The following MICAL2 variants were observed in gnomAD, a reference collection of about 807,000 sequenced individuals.
MICAL2 encodes the protein [F-actin]-monooxygenase MICAL2.
A neutral mutation model predicts 127.3 loss-of-function variants in MICAL2; 77 were observed. That is an observed-to-expected ratio of 0.60 (90% CI 0.50 to 0.73). MICAL2 has a LOEUF of 0.73. Among genes scored for constraint, MICAL2 ranks in the 30% least tolerant of loss-of-function variants. The pLI is 0.00. For missense variants in MICAL2, 1,351 were observed against 1,434.4 expected, an observed-to-expected ratio of 0.94 and a Z score of 0.94; for synonymous variants, 570 against 551.1, an observed-to-expected ratio of 1.03 and a Z score of -0.48.
chr11:12,267,679 G>A (rs1863624459), downstream of MICAL2, among the ~76,000 whole-genome samples: 1 of 152,154 alleles, frequency 6.6e-6, no homozygotes, highest in Non-Finnish European at 1.5e-5. Flanking sequence ...TCAGCTCGCT[G>A]CAAACTTCAC....
chr11:12,296,626 A>G (rs1343046339), downstream of MICAL2, among the ~76,000 whole-genome samples: 5 of 151,152 alleles, frequency 3.3e-5, no homozygotes, highest in African/African-American at 1.2e-4. Context: ...ATCAAAGGGT[A>G]CAAAAGGTGC....
chr11:12,265,890 C>A (rs536338144), downstream of MICAL2, among the ~76,000 whole-genome samples: 221 of 152,094 alleles, frequency 1.5e-3, no homozygotes, highest in South Asian at 2.9e-3. Flanking sequence ...CTGAGGCGGG[C>A]AGATCACTTG....
At chr11:12,255,401 A>G (rs1194024424) in intron 22 of MICAL2, 1 of 513,878 alleles carries the variant, frequency 1.9e-6, no homozygotes, top group Admixed American at 3.2e-5. Context: ...TAGGTACCAC[A>G]TATAAGTGGA....
chr11:12,340,925 C>T (rs1938854389), intron 32 of MICAL2, among the ~76,000 whole-genome samples: 1 of 152,172 alleles, frequency 6.6e-6, no homozygotes, highest in Admixed American at 6.5e-5. Flanking sequence ...CATGCTCTGA[C>T]TCCCAGAACA....
chr11:12,287,006 G>A, intron 2 of MICAL2: 1 of 398,556 alleles, frequency 2.5e-6, no homozygotes, highest in Non-Finnish European at 4.4e-6. Flanking sequence ...TGAGCTATAG[G>A]AGATAAATTC....
intron 21 of MICAL2, among the ~76,000 whole-genome samples, chr11:12,248,666 G>A (rs1417885541): frequency 6.8e-6 from 1 of 146,678 alleles, no homozygotes; most frequent in Non-Finnish European, 1.5e-5. Context: ...AACTGGATTT[G>A]CAGGGTTTAC....
chr11:12,130,362 A>G (rs1450781522), intron 1 of MICAL2, among the ~76,000 whole-genome samples: 1 of 152,168 alleles, frequency 6.6e-6, no homozygotes, highest in African/African-American at 2.4e-5. Context: ...GAGCCTGGCC[A>G]GGGGCCTGCA....
chr11:12,180,286 G>A (rs897689821), intron 3 of MICAL2, among the ~76,000 whole-genome samples: 38 of 151,618 alleles, frequency 2.5e-4, no homozygotes, highest in African/African-American at 8.0e-4. Context: ...GTGAGGAATT[G>A]TAAATCTGAG....
chr11:12,349,928 T>C (rs748480272), exon 33 of MICAL2: 1 of 1,613,726 alleles, frequency 6.2e-7, no homozygotes, highest in East Asian at 2.2e-5. Flanking sequence ...GAGTCGGAGC[T>C]CCTAATCATG....
intron 33 of MICAL2, among the ~76,000 whole-genome samples, chr11:12,353,482 C>CT (rs138334930): frequency 0.056 from 8,484 of 152,208 alleles, 503 homozygotes; most frequent in African/African-American, 0.13. Context: ...TATAGCCTTC[C>CT]TTTAGGGATC....
intron 2 of MICAL2, among the ~76,000 whole-genome samples, chr11:12,148,461 T>C (rs1853199407): frequency 6.6e-6 from 1 of 151,986 alleles, no homozygotes; most frequent in South Asian, 2.1e-4. Flanking sequence ...ATGAACAGGA[T>C]AAAGGTGAAG....
Position 12,258,376 on chromosome 11 carries a change from G to T in MICAL2, c.3143-92G>T, listed in dbSNP as rs948144064. 9 of 958,708 alleles carry T rather than the reference G, an allele frequency of 9.4e-6. No individual in the cohort carries two copies. In the African/African-American group the frequency reaches 1.3e-4, roughly 14 times the overall value. 59.4% of individuals were successfully genotyped at this position (958,708 alleles called of 1,614,324 possible). ...GCTATTTCCATCGTTACTATTTTCT[G>T]ACTTGGACAGTGGTGGGCACTTGGC... On this transcript the variant is annotated intron_variant, in intron 24 of 27. Transcript: ENST00000683283.
intron 15 of MICAL2, among the ~76,000 whole-genome samples, chr11:12,232,585 G>T (rs952442895): frequency 6.6e-6 from 1 of 152,224 alleles, no homozygotes; most frequent in South Asian, 2.1e-4. Context: ...TAGCCTGCGT[G>T]GTGGTGCACA....
chr11:12,330,861 TAGA>T (rs1864413986), intron 32 of MICAL2, among the ~76,000 whole-genome samples: 1 of 67,064 alleles, frequency 1.5e-5, no homozygotes, highest in Admixed American at 1.6e-4. Context: ...GAGAGAGGGG[TAGA>T]GAGAGAGAGA....
intron 3 of MICAL2, among the ~76,000 whole-genome samples, chr11:12,194,507 T>C (rs1232780272): frequency 6.6e-6 from 1 of 152,206 alleles, no homozygotes; most frequent in Non-Finnish European, 1.5e-5. Context: ...TGTTATATTA[T>C]TTATATATTT....
At chr11:12,338,091 G>A (rs1938798283) in intron 32 of MICAL2, among the ~76,000 whole-genome samples, 1 of 152,152 alleles carries the variant, frequency 6.6e-6, no homozygotes, top group Admixed American at 6.5e-5. Context: ...GGGAGTCTAA[G>A]TCTCTTTGTA....
chr11:12,270,388 G>A (rs1489334951), intron 24 of MICAL2, among the ~76,000 whole-genome samples: 2 of 152,186 alleles, frequency 1.3e-5, no homozygotes, highest in East Asian at 1.9e-4. Flanking sequence ...TGCTGGACGC[G>A]CTGGTGTGGG....
chr11:12,178,745 A>T (rs1296315651), intron 3 of MICAL2, among the ~76,000 whole-genome samples: 1 of 149,274 alleles, frequency 6.7e-6, no homozygotes, highest in Non-Finnish European at 1.5e-5. Flanking sequence ...TTTTTGAGAC[A>T]GTATCTCGCT....
rs113916999 is a variant in MICAL2, at chr11:12,305,664, T to A, written c.5212+10807T>A. 6.3e-3 allele frequency among the ~76,000 whole-genome samples: 955 copies of A among 152,352 alleles called. 10 individuals carry two copies. Among genetic ancestry groups the A allele is most frequent in the African/African-American group, 0.022 (919 of 41,578 alleles). On this transcript the variant is annotated intron_variant, in intron 29 of 34. Coordinates refer to the MICAL2 transcript ENST00000646065. ...AATATCTTACTGTAGTGTACTCACC[T>A]ATTTTTTTACCACAGTCAACTGTGG...
Sources: gnomAD v4.1 joint callset for allele counts (sites outside exome capture counted in the v4.1 genomes callset) on GRCh38, gnomAD v4.1.1 for gene constraint, MANE v1.5 for transcripts, NCBI Gene and HGNC (gene_info 2026-07-23, HGNC 2026-07-21) for gene names.